Variants in PCLO observed in about 807,000 individuals in gnomAD.
The protein encoded by PCLO is piccolo presynaptic cytomatrix protein.
Under a neutral mutation model 427.5 loss-of-function variants are expected in PCLO, and 82 were observed. The observed-to-expected ratio is 0.19, with a 90% CI of 0.16 to 0.23. The LOEUF (loss-of-function observed/expected upper bound fraction) is 0.23, where lower values mean the gene tolerates loss of function less well. PCLO is among the 10% of genes least tolerant of loss of function. The probability of loss-of-function intolerance (pLI) is 1.00; values close to 1 mark genes in which losing one functional copy is unlikely to be tolerated. For synonymous variants in PCLO, 2,357 were observed against 2,155.4 expected (o/e 1.09, Z -2.59); for missense variants, 6,239 against 6,115.9 (o/e 1.02, Z -0.67).
intron 3 of PCLO, among the ~76,000 whole-genome samples, chr7:83,023,476 T>C (rs1788396228): frequency 6.6e-6 from 1 of 152,130 alleles, no homozygotes; most frequent in Non-Finnish European, 1.5e-5. Flanking sequence ...CATTGCCAAG[T>C]ATATGACATT....
At chr7:83,091,915 A>G (rs1790387711) in intron 3 of PCLO, among the ~76,000 whole-genome samples, 1 of 152,168 alleles carries the variant, frequency 6.6e-6, no homozygotes, top group South Asian at 2.1e-4. Flanking sequence ...GACTTCCTAC[A>G]TGCTACAACC....
At chr7:83,103,917 C>T (rs927841160) in intron 3 of PCLO, among the ~76,000 whole-genome samples, 12 of 151,918 alleles carry the variant, frequency 7.9e-5, no homozygotes, top group African/African-American at 2.9e-4. Context: ...AATAAAATTA[C>T]AATTTCAGAA....
At chr7:82,872,954 T>C (rs974952388) in intron 10 of PCLO, among the ~76,000 whole-genome samples, 1 of 152,120 alleles carries the variant, frequency 6.6e-6, no homozygotes, top group African/African-American at 2.4e-5. Flanking sequence ...TGTGGATACA[T>C]ACATAACACT....
At chr7:82,905,476 T>C (rs779133263) in intron 8 of PCLO, among the ~76,000 whole-genome samples, 24 of 151,918 alleles carry the variant, frequency 1.6e-4, no homozygotes, top group Non-Finnish European at 3.1e-4. Flanking sequence ...CGTATGCATA[T>C]ATAACATGGT....
chr7:82,767,217 G>A (rs1790550218), intron 22 of PCLO, among the ~76,000 whole-genome samples: 1 of 152,090 alleles, frequency 6.6e-6, no homozygotes. Context: ...GAGTGAAATG[G>A]CATTAGAAAA....
intron 4 of PCLO, among the ~76,000 whole-genome samples, chr7:82,962,112 T>C (rs1001285407): frequency 3.9e-5 from 6 of 152,218 alleles, no homozygotes; most frequent in African/African-American, 7.2e-5. Flanking sequence ...ATTTGAAATC[T>C]GTTTCTGCAT....
intron 3 of PCLO, among the ~76,000 whole-genome samples, chr7:83,054,458 T>A (rs1789329250): frequency 6.6e-6 from 1 of 152,102 alleles, no homozygotes; most frequent in Non-Finnish European, 1.5e-5. Context: ...TATAGCATTG[T>A]TTGAATATTT....
intron 22 of PCLO, among the ~76,000 whole-genome samples, chr7:82,768,527 A>G (rs925517823): frequency 1.6e-4 from 25 of 152,252 alleles, no homozygotes; most frequent in African/African-American, 5.8e-4. Context: ...TATGGCTAAA[A>G]TATTTATTGA....
At chr7:82,988,809 A>AT (rs914400201) in intron 3 of PCLO, among the ~76,000 whole-genome samples, 26 of 150,058 alleles carry the variant, frequency 1.7e-4, no homozygotes, top group Non-Finnish European at 2.8e-4. Flanking sequence ...AGCAGAATTT[A>AT]TTTTTTTTTA....
At chr7:82,841,605 G>T (rs2115781855) in intron 13 of PCLO, 96 bp from the exon 14 acceptor site, 2 of 757,036 alleles carry the variant, frequency 2.6e-6, no homozygotes, top group East Asian at 5.5e-5. Flanking sequence ...TATTTGGTCA[G>T]AGCAACTGCT....
chr7:82,915,096 G>C lies in PCLO; in HGVS notation c.12890C>G (p.Ser4297Cys). ...AATTGATAAATCAAGCCCATAGACA[G>C]AGGAAGGTCTGGAGGAAGGTCTGGA... Reference protein sequence around the residue: ...SRSRPSSRPSSVYGLDLSIKR... With the variant: ...SRSRPSSRPSCVYGLDLSIKR... Residue 4297 changes from serine (S) to cysteine (C), a missense_variant, in exon 7 of 25, where the codon TCT becomes TGT. By Grantham distance (112) the Ser-to-Cys change is moderately radical. Coordinates refer to ENST00000333891, the MANE Select transcript of PCLO (RefSeq NM_033026.6). The C allele has an allele frequency of 6.3e-7, 1 of 1,599,134 alleles. No individual in the cohort carries two copies. The highest frequency in any genetic ancestry group is 8.5e-7 in the Non-Finnish European group (1 of 1,171,684).
At chr7:83,038,089 A>ATATATTTATATATATCTT in intron 3 of PCLO, among the ~76,000 whole-genome samples, 1 of 76,924 alleles carries the variant, frequency 1.3e-5, no homozygotes, top group Non-Finnish European at 2.6e-5. Context: ...ATATATCTTT[A>ATATATTTATATATATCTT]TATATATATA....
rs1014209434 is a variant in PCLO, at chr7:82,950,841, T to C, written c.9747A>G (p.Glu3249=). The change falls in exon 6 of 25, where the codon GAA becomes GAG. Residue 3249 remains glutamate, a synonymous_variant. Coordinates refer to ENST00000333891, the MANE Select transcript of PCLO (RefSeq NM_033026.6). ...CCAACTTTTTCTGAACCATGATCTT[T>C]TCTTGTTCTCGGAACCTTTGAATTT... The part of the protein sequence containing the change: ...RQEIQRFREQ[E]KIMVQKKLEE... The C allele has an allele frequency of 1.2e-6, 2 of 1,613,610 alleles. No individual in the cohort carries two copies. Among genetic ancestry groups the C allele is most frequent in the African/African-American group, 2.7e-5 (2 of 74,922 alleles).
At chr7:82,774,484 C>G (rs1405074577) in intron 22 of PCLO, among the ~76,000 whole-genome samples, 9 of 152,152 alleles carry the variant, frequency 5.9e-5, no homozygotes, top group Admixed American at 5.9e-4. Flanking sequence ...TCGGGATAGA[C>G]TAGATTCTGC....
chr7:82,941,703 A>C (rs1172330737), intron 6 of PCLO, among the ~76,000 whole-genome samples: 1 of 152,212 alleles, frequency 6.6e-6, no homozygotes, highest in Non-Finnish European at 1.5e-5. Flanking sequence ...AAATGTTAAG[A>C]AAGTGTCAAA....
chr7:83,154,808 A>C lies in PCLO; in HGVS notation c.1833T>G (p.Thr611=). The C allele has an allele frequency of 6.2e-7, 1 of 1,614,012 alleles. No homozygotes were observed. The highest frequency in any genetic ancestry group is 8.5e-7 in the Non-Finnish European group (1 of 1,179,860). The change falls in exon 2 of 25, where the codon ACT becomes ACG. Residue 611 remains threonine, a synonymous_variant. Coordinates refer to ENST00000333891, the MANE Select transcript of PCLO (RefSeq NM_033026.6). ...GACTACAGACAGTGGTTTGACACTCAGTGCATGTGTTAAAATTGGCCTTTT... is the reference window on the plus strand; with the variant it reads ...GACTACAGACAGTGGTTTGACACTCCGTGCATGTGTTAAAATTGGCCTTTT... ...VPEKANFNTC[T]ECQTTVCSLC...
intron 22 of PCLO, among the ~76,000 whole-genome samples, chr7:82,772,895 G>A (rs80240130): frequency 3.2e-4 from 49 of 152,160 alleles, no homozygotes; most frequent in African/African-American, 1.2e-3. Flanking sequence ...TATTACAGAG[G>A]AAAAACTGAA....
intron 12 of PCLO, among the ~76,000 whole-genome samples, chr7:82,846,182 A>C (rs1792496965): frequency 6.6e-6 from 1 of 152,142 alleles, no homozygotes. Context: ...TAATTTTTTC[A>C]AAAACCCAGT....
Position 82,915,338 on chromosome 7 carries a change from A to G in PCLO, c.12648T>C (p.Tyr4216=). ...AAGTGCTAGAAGTCATATAGCTTGA[A>G]TAATCAGGTTCAAGGTCTCTACTTT... ...IQESRDLEPD[Y]SSYMTSSTSS... The change falls in exon 7 of 25, where the codon TAT becomes TAC. Residue 4216 remains tyrosine, a synonymous_variant. Coordinates refer to ENST00000333891, the MANE Select transcript of PCLO (RefSeq NM_033026.6). 2 of 1,613,592 alleles carry G rather than the reference A, an allele frequency of 1.2e-6. No individual in the cohort carries two copies. Among genetic ancestry groups the G allele is most frequent in the South Asian group, 1.1e-5 (1 of 91,086 alleles).
Sources: gnomAD v4.1 joint callset for allele counts (sites outside exome capture counted in the v4.1 genomes callset) on GRCh38, gnomAD v4.1.1 for gene constraint, MANE v1.5 for transcripts, NCBI Gene and HGNC (gene_info 2026-07-23, HGNC 2026-07-21) for gene names.